Variants in DNAJC6 observed in about 807,000 individuals in gnomAD.
DNAJC6 encodes the protein auxilin.
DNAJC6 carries 34 observed loss-of-function variants against 110.0 expected under a neutral mutation model. That is an observed-to-expected ratio of 0.31 (90% CI 0.24 to 0.41). DNAJC6 has a LOEUF of 0.41. DNAJC6 is among the 10% of genes least tolerant of loss of function. The pLI, the probability that DNAJC6 is intolerant of heterozygous loss-of-function variation, is 1.00. For synonymous variants in DNAJC6, 406 were observed against 437.2 expected (o/e 0.93, Z 0.89); for missense variants, 1,031 against 1,207.8 (o/e 0.85, Z 2.17).
intron 1 of DNAJC6, among the ~76,000 whole-genome samples, chr1:65,300,109 C>T (rs1644965401): frequency 6.6e-6 from 1 of 151,508 alleles, no homozygotes; most frequent in South Asian, 2.1e-4. Flanking sequence ...AGGTTGTACC[C>T]CAGTTAGTTT....
At chr1:65,313,512 AG>A (rs1244670059) in intron 1 of DNAJC6, among the ~76,000 whole-genome samples, 8 of 152,316 alleles carry the variant, frequency 5.3e-5, no homozygotes, top group Admixed American at 5.2e-4. Context: ...ACTTATTCTC[AG>A]AGGTGGTAGG....
At position 65,314,495 on chromosome 1, in the gene DNAJC6, T is replaced by A. The variant is rs112827058; in HGVS notation, c.193+4557T>A. Among the ~76,000 whole-genome samples the A allele has an allele frequency of 3.8e-3, 586 of 152,326 alleles. 1 individual carries two copies. The highest frequency in any genetic ancestry group is 0.013 in the African/African-American group (556 of 41,574). ...ATTTATATAACTTATTTTTTATTTT[T>A]TTTTTATTTTTTGAGACGGAGTCTC... is the stretch of plus-strand genomic sequence containing the variant. On this transcript the variant is annotated intron_variant, in intron 1 of 18. Transcript: ENST00000371069.
intron 15 of DNAJC6, among the ~76,000 whole-genome samples, chr1:65,404,216 C>A (rs1454649697): frequency 6.6e-6 from 1 of 152,180 alleles, no homozygotes; most frequent in Non-Finnish European, 1.5e-5. Context: ...TTACATTTTC[C>A]TATCACCAAG....
At chr1:65,347,733 G>GCA (rs1011694099) in intron 1 of DNAJC6, among the ~76,000 whole-genome samples, 3 of 151,150 alleles carry the variant, frequency 2.0e-5, no homozygotes, top group African/African-American at 4.9e-5. Context: ...ACATGCATGT[G>GCA]CACACACACA....
At chr1:65,318,012 C>G (rs1280328078) in intron 1 of DNAJC6, among the ~76,000 whole-genome samples, 1 of 152,042 alleles carries the variant, frequency 6.6e-6, no homozygotes, top group Non-Finnish European at 1.5e-5. Context: ...GAAGCTGGAG[C>G]CCAGATGGGT....
intron 1 of DNAJC6, among the ~76,000 whole-genome samples, chr1:65,302,024 C>G (rs1438530856): frequency 6.8e-6 from 1 of 147,710 alleles, no homozygotes; most frequent in African/African-American, 2.5e-5. Flanking sequence ...GTTTTGTTTA[C>G]TATGTCGAGG....
intron 1 of DNAJC6, among the ~76,000 whole-genome samples, chr1:65,335,609 A>C (rs1416854332): frequency 6.6e-6 from 1 of 152,150 alleles, no homozygotes; most frequent in Non-Finnish European, 1.5e-5. Flanking sequence ...CGCGTGGCTC[A>C]CTGGGGGAAT....
At chr1:65,370,043 TTA>T (rs1474597772) in intron 4 of DNAJC6, among the ~76,000 whole-genome samples, 2 of 152,114 alleles carry the variant, frequency 1.3e-5, no homozygotes, top group Admixed American at 6.6e-5. Context: ...TCAGGTGTTT[TTA>T]TTTTTTTTTA....
Position 65,311,215 on chromosome 1 carries a change from G to GTTTTTTTTTTT in DNAJC6, c.193+1294_193+1304dup, listed in dbSNP as rs71056098. 2.9e-5 allele frequency among the ~76,000 whole-genome samples: 2 copies of GTTTTTTTTTTT among 68,830 alleles called. 1 individual carries two copies. Among genetic ancestry groups the GTTTTTTTTTTT allele is most frequent in the Non-Finnish European group, 5.4e-5 (2 of 37,364 alleles). The allele number at this position is 68,830 out of a possible 152,430, so 45.2% of individuals were successfully genotyped here. On this transcript the variant is annotated intron_variant, in intron 1 of 18. Coordinates refer to ENST00000371069, the MANE Select transcript of DNAJC6 (RefSeq NM_001256864.2). ...CCAAGGGATTGATGGTTTCAGGACTGTTTTTTTTTTTTTTTTTTTTTTTTT... is the reference window on the plus strand; with the variant it reads ...CCAAGGGATTGATGGTTTCAGGACTGTTTTTTTTTTTTTTTTTTTTTTTTTTTTTTTTTTTT...
rs1300582993 is a variant in DNAJC6 at position 65,329,646 on chromosome 1, CTG to C, written c.193+19710_193+19711del. ...GAAATAGATTCAAATCCAAAACTGT[CTG>C]TTACAAAGTTCACCTTTTTTGCTCT... On this transcript the variant is annotated intron_variant, in intron 1 of 18. Transcript: ENST00000371069. 2.6e-5 allele frequency among the ~76,000 whole-genome samples: 4 copies of C among 152,236 alleles called. No individual in the cohort carries two copies. The South Asian group carries it at 8.3e-4, about 32-fold the overall frequency.
intron 1 of DNAJC6, among the ~76,000 whole-genome samples, chr1:65,319,358 G>C (rs983924120): frequency 2.6e-5 from 4 of 152,188 alleles, no homozygotes; most frequent in Non-Finnish European, 5.9e-5. Flanking sequence ...AGGGGTGTGT[G>C]GTAGAAGCAG....
chr1:65,352,950 G>A (rs1393171561), intron 1 of DNAJC6, among the ~76,000 whole-genome samples: 1 of 152,154 alleles, frequency 6.6e-6, no homozygotes, highest in African/African-American at 2.4e-5. Flanking sequence ...TGTCTCCCCT[G>A]TCTCTCTTAA....
chr1:65,296,586 CTTTT>C (rs11393548), intron 1 of DNAJC6, among the ~76,000 whole-genome samples: 1 of 123,532 alleles, frequency 8.1e-6, no homozygotes. Context: ...TTCGACACAT[CTTTT>C]TTTTTTTTTT....
At chr1:65,400,053 G>T (rs1182620672) in intron 14 of DNAJC6, among the ~76,000 whole-genome samples, 3 of 152,048 alleles carry the variant, frequency 2.0e-5, no homozygotes, top group African/African-American at 7.2e-5. Flanking sequence ...GGTGGTGTGT[G>T]CCTGTAGTCC....
chr1:65,316,834 A>G (rs552954424), intron 1 of DNAJC6, among the ~76,000 whole-genome samples: 15 of 152,324 alleles, frequency 9.8e-5, no homozygotes, highest in Admixed American at 5.9e-4. Context: ...GTTTTCTAAT[A>G]TAGACATGTC....
intron 1 of DNAJC6, among the ~76,000 whole-genome samples, chr1:65,277,800 T>C (rs2101175128): frequency 6.6e-6 from 1 of 152,324 alleles, no homozygotes. Flanking sequence ...AGTTTCATCA[T>C]GGGCATACTT....
rs17127515 is a variant in DNAJC6, at chr1:65,329,143, G to A, written c.193+19205G>A. On this transcript the variant is annotated intron_variant, in intron 1 of 18. Coordinates refer to ENST00000371069, the MANE Select transcript of DNAJC6 (RefSeq NM_001256864.2). ...TTCTCCTTCCTTTCCCACCTTGTGA[G>A]TGGCTTTTGATCCTGCCTGCACTTC... is the stretch of plus-strand genomic sequence containing the variant. Among the ~76,000 whole-genome samples the A allele has an allele frequency of 5.1e-3, 779 of 152,314 alleles. 7 individuals carry two copies. Among genetic ancestry groups the A allele is most frequent in the African/African-American group, 0.018 (743 of 41,564 alleles).
At chr1:65,412,169 T>C (rs1295601977) in intron 18 of DNAJC6, among the ~76,000 whole-genome samples, 2 of 152,224 alleles carry the variant, frequency 1.3e-5, no homozygotes, top group East Asian at 3.8e-4. Context: ...AAATTTGCCC[T>C]CTCTTGATTA....
At chr1:65,299,341 T>G (rs376707259) in intron 1 of DNAJC6, among the ~76,000 whole-genome samples, 1 of 152,176 alleles carries the variant, frequency 6.6e-6, no homozygotes, top group Non-Finnish European at 1.5e-5. Context: ...TAGACTGTAT[T>G]GAGATCATGC....
Sources: gnomAD v4.1 joint callset for allele counts (sites outside exome capture counted in the v4.1 genomes callset) on GRCh38, gnomAD v4.1.1 for gene constraint, MANE v1.5 for transcripts, NCBI Gene and HGNC (gene_info 2026-07-23, HGNC 2026-07-21) for gene names.